The following SPMIP2 variants were observed in gnomAD, a reference collection of about 807,000 sequenced individuals.
SPMIP2 encodes the protein sperm microtubule inner protein 2.
At chr4:158,896,237 TGGAGGA>T in the SPMIP2 span, among the ~76,000 whole-genome samples, 1 of 152,150 alleles carries the variant, frequency 6.6e-6, no homozygotes, top group African/African-American at 2.4e-5. Flanking sequence ...TTTCACTTCC[TGGAGGA>T]GGAGTAGGTT....
the SPMIP2 span, among the ~76,000 whole-genome samples, chr4:158,930,191 G>GTCTCTCTC: frequency 0.08 from 11,569 of 144,068 alleles, 1,067 homozygotes; most frequent in African/African-American, 0.2. Context: ...GAGGATCTCA[G>GTCTCTCTC]TCTCTCTCTC....
the SPMIP2 span, among the ~76,000 whole-genome samples, chr4:159,072,862 A>G: frequency 4.6e-5 from 7 of 152,342 alleles, no homozygotes; most frequent in African/African-American, 1.7e-4. Context: ...TTTGATAAGT[A>G]TAACAAAACA....
chr4:158,945,507 A>G, the SPMIP2 span, among the ~76,000 whole-genome samples: 5 of 152,232 alleles, frequency 3.3e-5, no homozygotes, highest in Admixed American at 2.6e-4. Flanking sequence ...GGAAGAGACC[A>G]TTTGGAATAC....
chr4:158,968,887 T>C, the SPMIP2 span, among the ~76,000 whole-genome samples: 2 of 152,184 alleles, frequency 1.3e-5, no homozygotes, highest in African/African-American at 2.4e-5. Flanking sequence ...ACAAAGAAGC[T>C]CTATTTCATG....
chr4:158,914,372 A>G, the SPMIP2 span, among the ~76,000 whole-genome samples: 1 of 152,244 alleles, frequency 6.6e-6, no homozygotes, highest in African/African-American at 2.4e-5. Context: ...TGGCTTGCTG[A>G]TGAATCAGAT....
chr4:158,904,242 C>A, the SPMIP2 span, among the ~76,000 whole-genome samples: 8,229 of 152,256 alleles, frequency 0.054, 268 homozygotes, highest in African/African-American at 0.09. Flanking sequence ...CAACACACTT[C>A]CTGTATTTCT....
At chr4:159,061,598 A>G in the SPMIP2 span, among the ~76,000 whole-genome samples, 14 of 152,184 alleles carry the variant, frequency 9.2e-5, no homozygotes, top group Middle Eastern at 3.2e-3. Flanking sequence ...ACCTGAGGTC[A>G]GGAGTTCAAG....
chr4:159,040,118 C>T, the SPMIP2 span, among the ~76,000 whole-genome samples: 1 of 151,488 alleles, frequency 6.6e-6, no homozygotes, highest in Non-Finnish European at 1.5e-5. Flanking sequence ...ATGTATAGTA[C>T]TTAAATATAT....
chr4:159,060,297 C>A, the SPMIP2 span, among the ~76,000 whole-genome samples: 32 of 152,292 alleles, frequency 2.1e-4, 1 homozygote, highest in East Asian at 5.2e-3. Flanking sequence ...AGCAGCACTG[C>A]TTCCCTGCCA....
the SPMIP2 span, among the ~76,000 whole-genome samples, chr4:159,010,563 A>G: frequency 6.6e-6 from 1 of 152,210 alleles, no homozygotes; most frequent in Non-Finnish European, 1.5e-5. Context: ...TCATGTAACA[A>G]CATTCCCAGG....
chr4:159,044,062 T>A, the SPMIP2 span, among the ~76,000 whole-genome samples: 172 of 152,294 alleles, frequency 1.1e-3, 3 homozygotes, highest in Non-Finnish European at 1.3e-3. Context: ...TTTTAGCAAA[T>A]TCAGCAGTAT....
the SPMIP2 span, among the ~76,000 whole-genome samples, chr4:159,079,132 A>G: frequency 6.6e-6 from 1 of 151,816 alleles, no homozygotes; most frequent in Non-Finnish European, 1.5e-5. Context: ...ATAAATAAAT[A>G]AATAATAATA....
At chr4:159,035,097 G>A in the SPMIP2 span, 4 of 1,612,108 alleles carry the variant, frequency 2.5e-6, no homozygotes, top group Admixed American at 6.7e-5. Context: ...CAGATGCCAT[G>A]GCTAAAGTCT....
At chr4:159,078,280 T>C in the SPMIP2 span, among the ~76,000 whole-genome samples, 1 of 152,194 alleles carries the variant, frequency 6.6e-6, no homozygotes, top group Non-Finnish European at 1.5e-5. Flanking sequence ...CCTGGCTTTG[T>C]AGTACATCTC....
the SPMIP2 span, among the ~76,000 whole-genome samples, chr4:159,043,281 A>G: frequency 6.6e-6 from 1 of 152,186 alleles, no homozygotes; most frequent in East Asian, 1.9e-4. Context: ...CCAGAAACCA[A>G]CCCTTCTTAT....
the SPMIP2 span, among the ~76,000 whole-genome samples, chr4:159,073,919 A>G: frequency 6.6e-6 from 1 of 152,062 alleles, no homozygotes; most frequent in Non-Finnish European, 1.5e-5. Context: ...CAGGAGAACC[A>G]CCTTGAACCC....
chr4:159,007,966 G>A, the SPMIP2 span: 1 of 377,176 alleles, frequency 2.7e-6, no homozygotes, highest in African/African-American at 2.1e-5. Flanking sequence ...ACCTGGCACA[G>A]TGGCATGCGC....
chr4:158,931,207 TA>T, the SPMIP2 span, among the ~76,000 whole-genome samples: 1 of 152,148 alleles, frequency 6.6e-6, no homozygotes, highest in Non-Finnish European at 1.5e-5. Flanking sequence ...TGAGCTCCTC[TA>T]GTAAATTTTA....
At chr4:158,942,018 C>T in the SPMIP2 span, among the ~76,000 whole-genome samples, 1 of 152,188 alleles carries the variant, frequency 6.6e-6, no homozygotes, top group African/African-American at 2.4e-5. Context: ...CCTAGCTCTG[C>T]TCAGTGAAGA....
Sources: allele counts gnomAD v4.1 joint callset (sites outside exome capture counted in the v4.1 genomes callset), GRCh38; gene constraint gnomAD v4.1.1; transcripts MANE v1.5; gene names NCBI Gene and HGNC (gene_info 2026-07-23, HGNC 2026-07-21).